Variants in DHX40 observed in about 807,000 individuals in gnomAD.
The protein encoded by DHX40 is DEAH-box helicase 40, also known as probable ATP-dependent RNA helicase DHX40.
DHX40 carries 28 observed loss-of-function variants against 89.6 expected under a neutral mutation model. The ratio of observed to expected loss-of-function variants is 0.31; its 90% CI spans 0.23 to 0.43. The LOEUF is 0.43. Among genes scored for constraint, DHX40 ranks in the 20% least tolerant of loss-of-function variants. DHX40 has a pLI of 1.00. For missense variants in DHX40, 457 were observed against 844.0 expected, an observed-to-expected ratio of 0.54 and a Z score of 5.68; for synonymous variants, 226 against 283.6, an observed-to-expected ratio of 0.80 and a Z score of 2.04.
chr17:59,590,668 C>T (rs1422248308), intron 12 of DHX40, among the ~76,000 whole-genome samples: 4 of 151,536 alleles, frequency 2.6e-5, no homozygotes, highest in East Asian at 3.9e-4. Flanking sequence ...TGGGGTTTCA[C>T]TCTGTTGCCC....
At chr17:59,587,855 C>T (rs1483995079) in intron 11 of DHX40, 41 bp from the exon 12 acceptor site, 4 of 1,556,140 alleles carry the variant, frequency 2.6e-6, no homozygotes, top group Admixed American at 1.7e-5. Context: ...TTTGTACTCT[C>T]CTAGTGTAGA....
intron 12 of DHX40, among the ~76,000 whole-genome samples, chr17:59,591,928 GTGGGATCA>G (rs1261541398): frequency 1.3e-5 from 2 of 151,844 alleles, no homozygotes; most frequent in African/African-American, 4.8e-5. Context: ...TAGTGCAGTG[GTGGGATCA>G]TGGCTCACCG....
At position 59,607,193 on chromosome 17, in the gene DHX40, A is replaced by C. The variant is rs746559730; in HGVS notation, c.*21A>C. The C allele has an allele frequency of 6.2e-7, 1 of 1,614,224 alleles. No individual in the cohort carries two copies. Among genetic ancestry groups the C allele is most frequent in the South Asian group, 1.1e-5 (1 of 91,086 alleles). On this transcript the variant is annotated 3_prime_UTR_variant, in exon 18 of 18. Coordinates refer to ENST00000251241, the MANE Select transcript of DHX40 (RefSeq NM_024612.5). ...GCTAAGGTGGTGAACCCTCCAATTC[A>C]GGAAGTGGGAAAAGGAGCCAGGAAA...
At chr17:59,576,614 T>C (rs554904482) in intron 7 of DHX40, among the ~76,000 whole-genome samples, 6 of 152,276 alleles carry the variant, frequency 3.9e-5, no homozygotes, top group South Asian at 2.1e-4. Flanking sequence ...AGCATAGATA[T>C]CTATTTTAGA....
At chr17:59,572,743 C>T (rs2048828660) in intron 3 of DHX40, among the ~76,000 whole-genome samples, 1 of 152,198 alleles carries the variant, frequency 6.6e-6, no homozygotes, top group Non-Finnish European at 1.5e-5. Context: ...CTACCATTTT[C>T]TCATTTCCCC....
intron 12 of DHX40, among the ~76,000 whole-genome samples, chr17:59,590,447 G>A (rs1024394053): frequency 6.7e-6 from 1 of 148,898 alleles, no homozygotes; most frequent in Non-Finnish European, 1.5e-5. Flanking sequence ...ATAGTTTGCA[G>A]TCTTTTTTTT....
chr17:59,565,924 G>A, intron 1 of DHX40, 141 bp downstream of exon 1: 1 of 696,498 alleles, frequency 1.4e-6, no homozygotes, highest in Non-Finnish European at 2.2e-6. Context: ...AGCCCGAGGC[G>A]AACTTTGCGT....
intron 12 of DHX40, among the ~76,000 whole-genome samples, chr17:59,595,254 T>C (rs2029958352): frequency 6.6e-6 from 1 of 151,780 alleles, no homozygotes. Flanking sequence ...CAGCTAATTT[T>C]GTATTTTTAG....
intron 3 of DHX40, among the ~76,000 whole-genome samples, chr17:59,571,177 G>T (rs1173659056): frequency 6.6e-6 from 1 of 152,026 alleles, no homozygotes; most frequent in Non-Finnish European, 1.5e-5. Flanking sequence ...TTCACAATGG[G>T]CTGGGCTCGA....
rs941623730 is a variant in DHX40, at chr17:59,607,908, T to G, written c.*736T>G. ...TATATATATGATATATATATATATA[T>G]AAGTTCTTTTTTAGCTGTACCTACG... On this transcript the variant is annotated 3_prime_UTR_variant, in exon 18 of 18. Transcript: ENST00000251241. The G allele has an allele frequency of 6.6e-6, 1 of 151,170 alleles. No homozygotes were observed. The highest frequency in any genetic ancestry group is 1.9e-4 in the East Asian group (1 of 5,174). 9.4% of individuals were successfully genotyped at this position (151,170 alleles called of 1,614,324 possible).
Position 59,602,529 on chromosome 17 carries a change from A to G in DHX40, c.1814A>G (p.Asp605Gly). The G allele has an allele frequency of 6.2e-7, 1 of 1,612,186 alleles. No individual in the cohort carries two copies. Among genetic ancestry groups the G allele is most frequent in the Non-Finnish European group, 8.5e-7 (1 of 1,178,758 alleles). Residue 605 changes from aspartate to glycine, a missense_variant, in exon 15 of 18, where the codon GAT (aspartate) becomes GGT (glycine). Physicochemically the swap from Asp to Gly is moderately conservative, Grantham distance 94 (BLOSUM62 -1). Transcript: ENST00000251241. Reference sequence around the variant, plus strand: ...TACATATTCTTTTTATAGCAAAGTGATTTCCCAAAAGAGACCTTTGAAGGC... The same window carrying G: ...TACATATTCTTTTTATAGCAAAGTGGTTTCCCAAAAGAGACCTTTGAAGGC... ...ELIRKLKQQSDFPKETFEGPK... is the reference protein window; with the variant it reads ...ELIRKLKQQSGFPKETFEGPK...
chr17:59,571,564 C>G (rs2048809345), intron 3 of DHX40, among the ~76,000 whole-genome samples: 1 of 151,592 alleles, frequency 6.6e-6, no homozygotes, highest in Non-Finnish European at 1.5e-5. Flanking sequence ...TTAAAACCCC[C>G]ATTTCTCCCT....
chr17:59,604,764 C>T (rs775278457), intron 15 of DHX40: 10 of 207,196 alleles, frequency 4.8e-5, no homozygotes, highest in South Asian at 1.9e-4. Flanking sequence ...TTTTACCATG[C>T]GTTAGCGCTG....
intron 3 of DHX40, among the ~76,000 whole-genome samples, chr17:59,572,248 C>T (rs1389293630): frequency 6.6e-6 from 1 of 152,158 alleles, no homozygotes; most frequent in South Asian, 2.1e-4. Flanking sequence ...AAGATGACTC[C>T]CCAAAATACT....
Position 59,573,851 on chromosome 17 carries a change from G to T in DHX40, c.658G>T (p.Ala220Ser). Residue 220 changes from alanine to serine, a missense_variant, in exon 5 of 18, where the codon GCA becomes TCA. By Grantham distance (99) the Ala-to-Ser change is moderately conservative (BLOSUM62 1). This residue lies in a region of DHX40 where 116 missense variants were observed against 188.9 expected (regional missense o/e 0.61). Coordinates refer to ENST00000251241, the MANE Select transcript of DHX40 (RefSeq NM_024612.5). The stretch of plus-strand genomic sequence containing the variant: ...AACTATGGAATTAGCCAAGCTCTCT[G>T]CATTCTTTGGAAATTGTCCAATATT... ...SATMELAKLS[A>S]FFGNCPIFDI... 6.2e-7 allele frequency: 1 copy of T among 1,612,904 alleles called. No individual in the cohort carries two copies. The highest frequency in any genetic ancestry group is 8.5e-7 in the Non-Finnish European group (1 of 1,179,562).
At chr17:59,591,296 C>T (rs2049078468) in intron 12 of DHX40, among the ~76,000 whole-genome samples, 1 of 150,474 alleles carries the variant, frequency 6.6e-6, no homozygotes, top group South Asian at 2.1e-4. Flanking sequence ...CAGAGTGAGA[C>T]TCCATCCCCA....
chr17:59,607,517 C>T lies in DHX40; in HGVS notation c.*345C>T, dbSNP rs1056619458. 12 of 535,384 alleles carry T rather than the reference C, an allele frequency of 2.2e-5. No homozygotes were observed. The highest frequency in any genetic ancestry group is 1.7e-4 in the East Asian group (6 of 34,492). The allele number at this position is 535,384 out of a possible 1,614,324, so 33.2% of individuals were successfully genotyped here. ...AGAACATTGAGTTGTATTTAATCAG[C>T]GTGTACTCCATTTGCATTGAAGCAT... On this transcript the variant is annotated 3_prime_UTR_variant, in exon 18 of 18. Coordinates refer to ENST00000251241, the MANE Select transcript of DHX40 (RefSeq NM_024612.5).
At chr17:59,569,596 G>A (rs913754964) in intron 2 of DHX40, among the ~76,000 whole-genome samples, 1 of 148,968 alleles carries the variant, frequency 6.7e-6, no homozygotes, top group South Asian at 2.1e-4. Context: ...TGAGGCAGGA[G>A]AATCGCTTGA....
chr17:59,587,709 C>A (rs1384102142), intron 11 of DHX40, among the ~76,000 whole-genome samples, 187 bp from the exon 12 acceptor site: 2 of 151,880 alleles, frequency 1.3e-5, no homozygotes, highest in Non-Finnish European at 2.9e-5. Flanking sequence ...CCACCTGCCT[C>A]AGCTTCCCAA....
Sources: gnomAD v4.1 joint callset for allele counts (sites outside exome capture counted in the v4.1 genomes callset) on GRCh38, gnomAD v4.1.1 for gene constraint, gnomAD v4.1.1 regional missense constraint, MANE v1.5 for transcripts, NCBI Gene and HGNC (gene_info 2026-07-23, HGNC 2026-07-21) for gene names.